SLC25A21: variants seen among roughly 807,000 people sequenced by gnomAD.
SLC25A21 encodes the protein solute carrier family 25 member 21.
A neutral mutation model predicts 43.8 loss-of-function variants in SLC25A21; 47 were observed. The ratio of observed to expected loss-of-function variants is 1.07; its 90% CI spans 0.85 to 1.37. The LOEUF (loss-of-function observed/expected upper bound fraction) is 1.37, where lower values mean the gene tolerates loss of function less well. Among genes scored for constraint, SLC25A21 ranks in the 40% most tolerant of loss-of-function variants. The pLI is 0.00. For synonymous variants in SLC25A21, 131 were observed against 121.3 expected (o/e 1.08, Z -0.52); for missense variants, 352 against 350.2 (o/e 1.00, Z -0.04).
In SLC25A21 at chr14:36,782,985, TA is replaced by T. The variant is rs927328851; in HGVS notation, c.203+30932del. Among the ~76,000 whole-genome samples the T allele has an allele frequency of 2.5e-3, 366 of 146,600 alleles. 4 individuals carry two copies. Among genetic ancestry groups the T allele is most frequent in the African/African-American group, 4.8e-3 (192 of 40,068 alleles). On this transcript the variant is annotated intron_variant, in intron 3 of 9. Transcript: ENST00000331299. ...TATAAATAAATAAAAAAATAAAAAA[TA>T]AAAAAAATAAAAATAAAAATAAAAA...
intron 1 of SLC25A21, among the ~76,000 whole-genome samples, chr14:36,938,580 G>C: frequency 6.6e-6 from 1 of 151,916 alleles, no homozygotes; most frequent in East Asian, 1.9e-4. Context: ...GGTTGATTTT[G>C]ATATTTCAAT....
chr14:36,694,444 GGTCA>G (rs1882929804), intron 7 of SLC25A21, among the ~76,000 whole-genome samples: 1 of 152,114 alleles, frequency 6.6e-6, no homozygotes, highest in African/African-American at 2.4e-5. Flanking sequence ...AAGATGGCTG[GGTCA>G]AATGGTAATT....
chr14:36,893,210 G>C (rs531382826), intron 1 of SLC25A21, among the ~76,000 whole-genome samples: 46 of 152,278 alleles, frequency 3.0e-4, no homozygotes, highest in African/African-American at 1.0e-3. Flanking sequence ...TCCAGCACCT[G>C]TTGTTTCCTG....
intron 1 of SLC25A21, among the ~76,000 whole-genome samples, chr14:37,113,788 A>G (rs190464481): frequency 2.7e-5 from 4 of 148,598 alleles, no homozygotes; most frequent in Non-Finnish European, 4.4e-5. Context: ...CGGGAGGTGG[A>G]GCATGCAGTG....
chr14:36,774,500 A>G (rs1395408531), intron 3 of SLC25A21, among the ~76,000 whole-genome samples: 1 of 152,218 alleles, frequency 6.6e-6, no homozygotes, highest in Admixed American at 6.5e-5. Context: ...TTGATAATAT[A>G]TTCTGGACTC....
chr14:36,800,457 T>C (rs1166923551), intron 3 of SLC25A21, among the ~76,000 whole-genome samples: 2 of 152,196 alleles, frequency 1.3e-5, no homozygotes, highest in African/African-American at 4.8e-5. Flanking sequence ...GTACATTATG[T>C]TAAGTGAAAT....
At chr14:36,933,843 T>C (rs1892352561) in intron 1 of SLC25A21, among the ~76,000 whole-genome samples, 1 of 152,166 alleles carries the variant, frequency 6.6e-6, no homozygotes, top group Non-Finnish European at 1.5e-5. Context: ...GAGTAGAGTT[T>C]CCTTTCTCTT....
At chr14:37,067,158 T>A (rs1962077718) in intron 1 of SLC25A21, among the ~76,000 whole-genome samples, 1 of 152,150 alleles carries the variant, frequency 6.6e-6, no homozygotes, top group Non-Finnish European at 1.5e-5. Context: ...TTTGAAGAAC[T>A]AACCATTTTT....
chr14:37,140,210 A>G (rs1436131719), intron 1 of SLC25A21, among the ~76,000 whole-genome samples: 1 of 152,214 alleles, frequency 6.6e-6, no homozygotes, highest in Non-Finnish European at 1.5e-5. Context: ...AACTTTGGCC[A>G]TGGCAATTTC....
chr14:37,002,286 C>T (rs1183148837), intron 1 of SLC25A21, among the ~76,000 whole-genome samples: 1 of 152,158 alleles, frequency 6.6e-6, no homozygotes, highest in African/African-American at 2.4e-5. Context: ...TCCACCATAT[C>T]TCTCTACTAT....
intron 1 of SLC25A21, among the ~76,000 whole-genome samples, chr14:36,986,707 T>C (rs1960154775): frequency 6.6e-6 from 1 of 152,012 alleles, no homozygotes; most frequent in Non-Finnish European, 1.5e-5. Context: ...TTCTCTGGAG[T>C]TTAGGGGAGG....
intron 7 of SLC25A21, among the ~76,000 whole-genome samples, chr14:36,693,018 C>T (rs1882856094): frequency 6.6e-6 from 1 of 152,198 alleles, no homozygotes; most frequent in Non-Finnish European, 1.5e-5. Context: ...TAGCACATCA[C>T]TATCACAATA....
At chr14:36,878,974 T>C (rs1328811498) in intron 1 of SLC25A21, among the ~76,000 whole-genome samples, 2 of 152,286 alleles carry the variant, frequency 1.3e-5, no homozygotes, top group South Asian at 4.1e-4. Context: ...AACTTCATAG[T>C]ATTTGAGAAG....
intron 1 of SLC25A21, among the ~76,000 whole-genome samples, chr14:36,896,915 G>T (rs1367107867): frequency 6.6e-6 from 1 of 152,222 alleles, no homozygotes; most frequent in Non-Finnish European, 1.5e-5. Flanking sequence ...TCAGCTGTTA[G>T]TCTGATGGGC....
In SLC25A21 at chr14:36,678,309, A is replaced by G; in HGVS notation, c.*2349T>C. 1.8e-6 allele frequency: 1 copy of G among 564,980 alleles called. No homozygotes were observed. The highest frequency in any genetic ancestry group is 3.1e-6 in the Non-Finnish European group (1 of 319,702). The allele number at this position is 564,980 out of a possible 1,614,324, so 35.0% of individuals were successfully genotyped here. On this transcript the variant is annotated 3_prime_UTR_variant, in exon 10 of 10. Coordinates refer to ENST00000331299, the MANE Select transcript of SLC25A21 (RefSeq NM_030631.4). ...AGAGTGACTGCTTTTTTCAGACAGC[A>G]GATATCTTATAGAGAGCTTTGAACT...
intron 3 of SLC25A21, among the ~76,000 whole-genome samples, chr14:36,743,435 G>A (rs1382548911): frequency 6.8e-6 from 1 of 146,968 alleles, no homozygotes; most frequent in African/African-American, 2.5e-5. Context: ...AGGACTCCAA[G>A]AAAAAAAAAC....
At chr14:37,005,013 C>A (rs1272840234) in intron 1 of SLC25A21, among the ~76,000 whole-genome samples, 1 of 150,972 alleles carries the variant, frequency 6.6e-6, no homozygotes, top group Non-Finnish European at 1.5e-5. Context: ...CCCTTCAGAG[C>A]CCAGCTGTGG....
chr14:37,060,941 T>A (rs17106163), intron 1 of SLC25A21, among the ~76,000 whole-genome samples: 1 of 152,030 alleles, frequency 6.6e-6, no homozygotes, highest in Admixed American at 6.5e-5. Flanking sequence ...TTCTGCCCAA[T>A]AGAGCTGCCC....
chr14:37,158,249 G>C (rs11851952), intron 1 of SLC25A21, among the ~76,000 whole-genome samples: 1 of 152,168 alleles, frequency 6.6e-6, no homozygotes, highest in Middle Eastern at 3.4e-3. Flanking sequence ...GTATCACCCT[G>C]ATACCAAAAC....
Sources: allele counts gnomAD v4.1 joint callset (sites outside exome capture counted in the v4.1 genomes callset), GRCh38; gene constraint gnomAD v4.1.1; transcripts MANE v1.5; gene names NCBI Gene and HGNC (gene_info 2026-07-23, HGNC 2026-07-21).